Variants in NCBP3 observed in about 807,000 individuals in gnomAD.
NCBP3 encodes the protein nuclear cap binding subunit 3, also known as nuclear cap-binding protein subunit 3.
NCBP3 carries 20 observed loss-of-function variants against 75.7 expected under a neutral mutation model. The ratio of observed to expected loss-of-function variants is 0.26; its 90% CI spans 0.19 to 0.38. NCBP3 has a LOEUF of 0.38. Among genes scored for constraint, NCBP3 ranks in the 10% least tolerant of loss-of-function variants. The pLI is 1.00. For synonymous variants in NCBP3, 293 were observed against 290.5 expected, an observed-to-expected ratio of 1.01 and a Z score of -0.09; for missense variants, 678 against 796.9, an observed-to-expected ratio of 0.85 and a Z score of 1.80.
At chr17:3,836,380 C>T (rs1366197585) in intron 3 of NCBP3, among the ~76,000 whole-genome samples, 2 of 152,176 alleles carry the variant, frequency 1.3e-5, no homozygotes, top group Non-Finnish European at 2.9e-5. Flanking sequence ...ATTGGCCGGG[C>T]GCAGTGGCTC....
chr17:3,824,809 A>G, intron 7 of NCBP3, 133 bp downstream of exon 7: 1 of 434,220 alleles, frequency 2.3e-6, no homozygotes. Flanking sequence ...ATTATTTCAT[A>G]AGCGCAGAAT....
Position 3,818,476 on chromosome 17 carries a change from T to G in NCBP3, c.1097A>C (p.Asp366Ala), listed in dbSNP as rs990478031. 6.2e-7 allele frequency: 1 copy of G among 1,614,022 alleles called. No individual in the cohort carries two copies. Among genetic ancestry groups the G allele is most frequent in the African/African-American group, 1.3e-5 (1 of 75,048 alleles). Residue 366 changes from aspartate to alanine, a missense_variant, in exon 10 of 13, where the codon GAT becomes GCT. Around this residue, in one of 7 missense-constraint regions of NCBP3, gnomAD observed 365 missense variants for 392.7 expected, o/e 0.93. Coordinates refer to ENST00000389005, the MANE Select transcript of NCBP3 (RefSeq NM_001114118.3). This position sits in a 1 kb window ranked among gnomAD's most constrained non-coding sequence, Gnocchi z 4.7. The stretch of plus-strand genomic sequence containing the variant: ...GTGGTACTCTACCACCACTCTGTCA[T>G]CTGCATCCATGTCCTGGTCTTCTTC... ...EEEEDQDMDA[D>A]DRVVVEYHEE... is the part of the protein sequence containing the mutation.
At chr17:3,826,446 T>G (rs1208119310) in intron 4 of NCBP3, among the ~76,000 whole-genome samples, 1 of 152,010 alleles carries the variant, frequency 6.6e-6, no homozygotes, top group Non-Finnish European at 1.5e-5. Flanking sequence ...GAGATCATCC[T>G]GGGCAACATA....
chr17:3,816,808 C>T (rs1490176864), intron 10 of NCBP3, among the ~76,000 whole-genome samples: 4 of 151,930 alleles, frequency 2.6e-5, no homozygotes, highest in South Asian at 2.1e-4. Context: ...CTGAGGCGGG[C>T]GGATCACGAG....
At chr17:3,819,647 A>G (rs550794020) in intron 9 of NCBP3, among the ~76,000 whole-genome samples, 1 of 152,314 alleles carries the variant, frequency 6.6e-6, no homozygotes, top group Non-Finnish European at 1.5e-5. Context: ...GCTATGTACG[A>G]TTCAGTATTT....
intron 3 of NCBP3, among the ~76,000 whole-genome samples, chr17:3,835,364 G>A (rs773121126): frequency 1.8e-4 from 27 of 152,204 alleles, no homozygotes; most frequent in Non-Finnish European, 2.6e-4. Context: ...CAGTCCTGCC[G>A]TTCTCTCTGT....
chr17:3,820,916 C>T (rs546440456), intron 9 of NCBP3, among the ~76,000 whole-genome samples: 8 of 148,576 alleles, frequency 5.4e-5, no homozygotes, highest in Admixed American at 1.3e-4. Context: ...AGAGACAGAG[C>T]GAGACTCCGT....
Position 3,818,420 on chromosome 17 carries a change from C to T in NCBP3, c.1153G>A (p.Glu385Lys). The T allele has an allele frequency of 6.2e-7, 1 of 1,614,148 alleles. No individual in the cohort carries two copies. ...EELPALKQPR[E>K]RSASRRSSAS... ...CTGGATCGTCTAGACGCGCTCCGCT[C>T]CCGGGGCTGCTTGAGAGCCGGGAGC... The change falls in exon 10 of 13, where the codon GAG becomes AAG. Residue 385 changes from glutamate (E) to lysine (K), a missense_variant. Coordinates refer to ENST00000389005, the MANE Select transcript of NCBP3 (RefSeq NM_001114118.3). The surrounding 1 kb of genome is among the most constrained non-coding windows in gnomAD (Gnocchi z 4.7).
Position 3,843,134 on chromosome 17 carries a change from A to G in NCBP3, c.201T>C (p.Tyr67=), listed in dbSNP as rs748721971. 4 of 1,551,560 alleles carry G rather than the reference A, an allele frequency of 2.6e-6. No individual in the cohort carries two copies. The highest frequency in any genetic ancestry group is 1.2e-5 in the South Asian group (1 of 84,056). The change falls in exon 2 of 13, where the codon TAT becomes TAC. Residue 67 remains tyrosine (Y), a synonymous_variant. Transcript: ENST00000389005. Reference sequence around the variant, plus strand: ...TGATGAAGCTGCCAGCCTTGTTTTCATATCTTCTGCTCGTGTCCTAACACA... The same window carrying G: ...TGATGAAGCTGCCAGCCTTGTTTTCGTATCTTCTGCTCGTGTCCTAACACA... The part of the protein sequence containing the change: ...KELIPDTSRR[Y]ENKAGSFITG...
chr17:3,814,345 G>C lies in NCBP3; in HGVS notation c.1604C>G (p.Ala535Gly), dbSNP rs764499530. The C allele has an allele frequency of 6.2e-7, 1 of 1,614,174 alleles. No homozygotes were observed. Among genetic ancestry groups the C allele is most frequent in the Admixed American group, 1.7e-5 (1 of 60,024 alleles). ...VPRQDSKGLY[A>G]DTREKKSGNL... The stretch of plus-strand genomic sequence containing the variant: ...ACCTGATTTCTTCTCCCGAGTATCG[G>C]CGTAGAGGCCTTTACTATCCTGCCT... The change falls in exon 12 of 13, where the codon GCC becomes GGC. Residue 535 changes from alanine to glycine, a missense_variant. Around this residue, in one of 7 missense-constraint regions of NCBP3, gnomAD observed 365 missense variants for 392.7 expected, o/e 0.93. Coordinates refer to ENST00000389005, the MANE Select transcript of NCBP3 (RefSeq NM_001114118.3).
At chr17:3,844,777 G>A (rs2054131140) in intron 1 of NCBP3, among the ~76,000 whole-genome samples, 1 of 152,192 alleles carries the variant, frequency 6.6e-6, no homozygotes, top group Admixed American at 6.5e-5. Context: ...TTGAACCCAG[G>A]AGGCGGAGGT....
intron 7 of NCBP3, 186 bp downstream of exon 7, chr17:3,824,756 T>C (rs1368882565): frequency 1.1e-5 from 4 of 366,768 alleles, no homozygotes; most frequent in Admixed American, 4.6e-5. Flanking sequence ...AAATAGTTAA[T>C]ATTCACTTTT....
Position 3,811,176 on chromosome 17 carries a change from G to C in NCBP3, c.*1868C>G, listed in dbSNP as rs2053406094. On this transcript the variant is annotated 3_prime_UTR_variant, in exon 13 of 13. Coordinates refer to ENST00000389005, the MANE Select transcript of NCBP3 (RefSeq NM_001114118.3). The stretch of plus-strand genomic sequence containing the variant: ...TGCACCAACAAAGCCAGGAATTCTG[G>C]TAACAGCCCACTCAACTGCTAGACG... 1 of 152,334 alleles carries C rather than the reference G, an allele frequency of 6.6e-6. No individual in the cohort carries two copies. Among genetic ancestry groups the C allele is most frequent in the Non-Finnish European group, 1.5e-5 (1 of 68,118 alleles). 9.4% of individuals were successfully genotyped at this position (152,334 alleles called of 1,614,324 possible).
chr17:3,843,181 A>T (rs1243316981), intron 1 of NCBP3, 30 bp from the exon 2 acceptor site: 1 of 1,536,922 alleles, frequency 6.5e-7, no homozygotes, highest in Non-Finnish European at 8.8e-7. Context: ...TGAGAAATTC[A>T]GACAGCAATT....
Position 3,812,857 on chromosome 17 carries a change from A to G in NCBP3, c.*187T>C. On this transcript the variant is annotated 3_prime_UTR_variant, in exon 13 of 13. Transcript: ENST00000389005. ...GGCCCAGAACTACAACTCTGCAGCG[A>G]AAGATAGAGATGCCCTTGAAAATGT... 7.0e-7 allele frequency: 1 copy of G among 1,423,778 alleles called. No individual in the cohort carries two copies. The highest frequency in any genetic ancestry group is 9.2e-7 in the Non-Finnish European group (1 of 1,092,452). The allele number at this position is 1,423,778 out of a possible 1,614,324, so 88.2% of individuals were successfully genotyped here.
intron 9 of NCBP3, among the ~76,000 whole-genome samples, chr17:3,819,646 G>A (rs1266579289): frequency 1.3e-5 from 2 of 151,902 alleles, no homozygotes; most frequent in Non-Finnish European, 2.9e-5. Flanking sequence ...GGCTATGTAC[G>A]ATTCAGTATT....
intron 3 of NCBP3, among the ~76,000 whole-genome samples, chr17:3,835,603 A>C (rs1024030016): frequency 6.6e-6 from 1 of 152,258 alleles, no homozygotes; most frequent in Non-Finnish European, 1.5e-5. Context: ...AACACAAGTA[A>C]GTACCCAAAA....
At chr17:3,819,801 A>C (rs539083037) in intron 9 of NCBP3, among the ~76,000 whole-genome samples, 2 of 152,312 alleles carry the variant, frequency 1.3e-5, no homozygotes, top group Admixed American at 1.3e-4. Flanking sequence ...AATGGGAAAA[A>C]TGTAAGATGA....
intron 3 of NCBP3, among the ~76,000 whole-genome samples, chr17:3,832,183 CAAAA>C (rs754603661): frequency 6.7e-5 from 2 of 29,992 alleles, no homozygotes; most frequent in Non-Finnish European, 9.0e-5. Context: ...GACTCCGTCG[CAAAA>C]AAAAAAAAAA....
Sources: gnomAD v4.1 joint callset for allele counts (sites outside exome capture counted in the v4.1 genomes callset) on GRCh38, gnomAD v4.1.1 for gene constraint, gnomAD v4.1.1 regional missense constraint, Gnocchi (gnomAD v3.1) non-coding constraint, MANE v1.5 for transcripts, NCBI Gene and HGNC (gene_info 2026-07-23, HGNC 2026-07-21) for gene names.